Variants in GABRB1 observed in about 807,000 individuals in gnomAD.
GABRB1 encodes gamma-aminobutyric acid receptor subunit beta-1.
Under a neutral mutation model 51.6 loss-of-function variants are expected in GABRB1, and 17 were observed. The observed-to-expected ratio is 0.33, with a 90% CI of 0.23 to 0.49. GABRB1 has a LOEUF of 0.49. Ranked by LOEUF, GABRB1 falls within the 20% of genes least tolerant of loss-of-function variation. GABRB1 has a pLI of 0.99. For synonymous variants in GABRB1, 247 were observed against 218.9 expected (o/e 1.13, Z -1.14); for missense variants, 410 against 600.6 (o/e 0.68, Z 3.32).
chr4:47,246,088 C>T, intron 4 of GABRB1, among the ~76,000 whole-genome samples: 1 of 149,130 alleles, frequency 6.7e-6, no homozygotes. Context: ...CCCCCAAGTC[C>T]CCACAGTCCA....
rs147630822 is a variant in GABRB1 at position 47,010,124 on chromosome 4, C to A, written c.-20+16198C>A. On this transcript the variant is annotated intron_variant, in intron 1 of 3. Coordinates refer to the GABRB1 transcript ENST00000513567. ...GCCAGCCTTTGCTTTGGTGCATACT[C>A]AAGGAAGCTTTCTCAATGAGTGGCA... Among the ~76,000 whole-genome samples the A allele has an allele frequency of 3.7e-3, 561 of 152,274 alleles. 4 individuals are homozygous for A. Among genetic ancestry groups the A allele is most frequent in the Middle Eastern group, 0.014 (4 of 294 alleles).
At chr4:47,139,554 A>G (rs1414948403) in intron 3 of GABRB1, among the ~76,000 whole-genome samples, 1 of 152,036 alleles carries the variant, frequency 6.6e-6, no homozygotes, top group South Asian at 2.1e-4. Context: ...TGCAGACTCC[A>G]TGGTGTCCTT....
chr4:47,006,212 G>T (rs1724392918), intron 1 of GABRB1, among the ~76,000 whole-genome samples: 1 of 151,504 alleles, frequency 6.6e-6, no homozygotes. Flanking sequence ...TTTTAGATTG[G>T]GTTCATCTTT....
rs540926017 is a variant in GABRB1, at chr4:47,024,356, T to C, written c.-19-7558T>C. On this transcript the variant is annotated intron_variant, in intron 1 of 3. Coordinates refer to the GABRB1 transcript ENST00000513567. ...AGGGTTCATATTGAGAAGTATTTTATTTCTTAAGCACAAATTAAAACCATT... is the reference window on the plus strand; with the variant it reads ...AGGGTTCATATTGAGAAGTATTTTACTTCTTAAGCACAAATTAAAACCATT... 2.0e-5 allele frequency among the ~76,000 whole-genome samples: 3 copies of C among 152,102 alleles called. No homozygotes were observed. In the South Asian group the frequency reaches 6.2e-4, roughly 31 times the overall value.
At chr4:47,374,663 C>T (rs1011768187) in intron 5 of GABRB1, among the ~76,000 whole-genome samples, 1 of 152,156 alleles carries the variant, frequency 6.6e-6, no homozygotes, top group Admixed American at 6.5e-5. Context: ...ATCTGAACTC[C>T]TAAATAACAC....
chr4:47,217,989 C>A (rs769222775), intron 4 of GABRB1, among the ~76,000 whole-genome samples: 2 of 151,720 alleles, frequency 1.3e-5, no homozygotes, highest in Non-Finnish European at 3.0e-5. Context: ...TCCTCCCTCC[C>A]CGCTCATCCC....
intron 4 of GABRB1, among the ~76,000 whole-genome samples, chr4:47,212,579 T>C (rs983525328): frequency 6.6e-6 from 1 of 152,132 alleles, no homozygotes; most frequent in Non-Finnish European, 1.5e-5. Flanking sequence ...CTAGGAAGGC[T>C]AAGGCTTGGG....
chr4:47,258,808 T>A (rs950865839), intron 4 of GABRB1, among the ~76,000 whole-genome samples: 1 of 152,176 alleles, frequency 6.6e-6, no homozygotes, highest in Non-Finnish European at 1.5e-5. Flanking sequence ...AAGTGTCTCA[T>A]TAAGTTGGAA....
intron 5 of GABRB1, among the ~76,000 whole-genome samples, chr4:47,342,777 C>T (rs997629584): frequency 1.4e-4 from 21 of 152,158 alleles, no homozygotes; most frequent in African/African-American, 4.1e-4. Context: ...CATAAAGCAG[C>T]ATATTAGATC....
At chr4:47,311,668 C>T (rs1044378554) in intron 4 of GABRB1, among the ~76,000 whole-genome samples, 2 of 152,156 alleles carry the variant, frequency 1.3e-5, no homozygotes, top group African/African-American at 4.8e-5. Flanking sequence ...ATCTACAGAA[C>T]TGTAAGCGAA....
At chr4:47,030,096 T>C (rs543309417), upstream of GABRB1, among the ~76,000 whole-genome samples, 4 of 152,326 alleles carry the variant, frequency 2.6e-5, no homozygotes, top group South Asian at 8.3e-4. Context: ...TTGGTTATAT[T>C]TCTTACATTG....
intron 4 of GABRB1, among the ~76,000 whole-genome samples, chr4:47,262,542 C>T (rs1443679972): frequency 1.3e-5 from 2 of 152,240 alleles, no homozygotes; most frequent in African/African-American, 4.8e-5. Flanking sequence ...AGTCAGGAAA[C>T]AACAGGTGCT....
At position 47,375,579 on chromosome 4, in the gene GABRB1, G is replaced by A. The variant is rs528637254; in HGVS notation, c.545-27739G>A. Among the ~76,000 whole-genome samples the A allele has an allele frequency of 3.3e-5, 5 of 152,288 alleles. No individual in the cohort carries two copies. The East Asian group carries it at 9.6e-4, about 29-fold the overall frequency. Reference sequence around the variant, plus strand: ...GTTCTGCTCCACAGAATCACTCAACGATCCAGATGATGGAGATTCTATCAT... The same window carrying A: ...GTTCTGCTCCACAGAATCACTCAACAATCCAGATGATGGAGATTCTATCAT... On this transcript the variant is annotated intron_variant, in intron 5 of 8. Coordinates refer to ENST00000295454, the MANE Select transcript of GABRB1 (RefSeq NM_000812.4).
At chr4:46,998,658 C>T (rs1461418064) in intron 1 of GABRB1, among the ~76,000 whole-genome samples, 9 of 146,714 alleles carry the variant, frequency 6.1e-5, no homozygotes, top group African/African-American at 7.5e-5. Flanking sequence ...GGAGTGAACC[C>T]GGGAGGCGGA....
At chr4:47,325,717 C>T (rs1347838734) in intron 5 of GABRB1, among the ~76,000 whole-genome samples, 1 of 152,192 alleles carries the variant, frequency 6.6e-6, no homozygotes, top group Non-Finnish European at 1.5e-5. Context: ...TTCCTCTTCT[C>T]ATCCTTCAGT....
At chr4:47,336,377 T>C (rs1474389036) in intron 5 of GABRB1, among the ~76,000 whole-genome samples, 1 of 152,156 alleles carries the variant, frequency 6.6e-6, no homozygotes, top group Admixed American at 6.6e-5. Flanking sequence ...AGCATGGCAA[T>C]GATTATGTGC....
At chr4:47,073,250 G>A (rs905078046) in intron 3 of GABRB1, among the ~76,000 whole-genome samples, 5 of 152,246 alleles carry the variant, frequency 3.3e-5, no homozygotes, top group Admixed American at 1.3e-4. Flanking sequence ...CCATCCGAAT[G>A]TCTGGACATA....
intron 4 of GABRB1, among the ~76,000 whole-genome samples, chr4:47,246,366 ATATATATATATATATATATATATATATAT>A (rs1721756912): frequency 4.5e-5 from 2 of 44,522 alleles, no homozygotes; most frequent in East Asian, 1.2e-3. Flanking sequence ...ATATATATAT[ATATATATATATATATATATATATATATAT>A]AAAATACCAC....
intron 3 of GABRB1, among the ~76,000 whole-genome samples, chr4:47,099,434 G>GT (rs1714625601): frequency 6.6e-6 from 1 of 152,070 alleles, no homozygotes; most frequent in South Asian, 2.1e-4. Flanking sequence ...CAAAGGCAAG[G>GT]TATCACTCTG....
Sources: allele counts gnomAD v4.1 joint callset (sites outside exome capture counted in the v4.1 genomes callset), GRCh38; gene constraint gnomAD v4.1.1; transcripts MANE v1.5; gene names NCBI Gene and HGNC (gene_info 2026-07-23, HGNC 2026-07-21).